ABHD3: variants seen among roughly 807,000 people sequenced by gnomAD.
The protein encoded by ABHD3 is abhydrolase domain containing 3, phospholipase.
A neutral mutation model predicts 48.8 loss-of-function variants in ABHD3; 46 were observed. The ratio of observed to expected loss-of-function variants is 0.94; its 90% CI spans 0.74 to 1.20. The LOEUF is 1.20. ABHD3 is among the 50% of genes most tolerant of loss of function. ABHD3 has a pLI of 0.00. For synonymous variants in ABHD3, 192 were observed against 183.7 expected (o/e 1.04, Z -0.36); for missense variants, 490 against 497.8 (o/e 0.98, Z 0.15).
At chr18:21,664,031 C>A in intron 5 of ABHD3, 87 bp downstream of exon 5, 1 of 1,470,790 alleles carries the variant, frequency 6.8e-7, no homozygotes, top group Non-Finnish European at 9.0e-7. Context: ...AAAAAGTGTC[C>A]ATACAGCTAG....
chr18:21,672,614 T>C (rs2039780828), intron 4 of ABHD3, among the ~76,000 whole-genome samples: 1 of 152,182 alleles, frequency 6.6e-6, no homozygotes, highest in African/African-American at 2.4e-5. Context: ...AGAGGAACAA[T>C]GCTTTTAAAA....
chr18:21,673,445 A>G (rs1314907282), intron 4 of ABHD3, among the ~76,000 whole-genome samples: 2 of 151,730 alleles, frequency 1.3e-5, no homozygotes, highest in African/African-American at 4.8e-5. Flanking sequence ...GACATGCACC[A>G]CCACACGCTT....
chr18:21,652,495 G>A (rs1030992115), intron 8 of ABHD3, among the ~76,000 whole-genome samples: 1 of 152,132 alleles, frequency 6.6e-6, no homozygotes, highest in Non-Finnish European at 1.5e-5. Context: ...GAAAGAGAGA[G>A]GCCAGGTGTG....
At chr18:21,676,524 G>A (rs1271328840) in intron 4 of ABHD3, among the ~76,000 whole-genome samples, 2 of 152,152 alleles carry the variant, frequency 1.3e-5, no homozygotes, top group African/African-American at 4.8e-5. Context: ...CCAAGTAACT[G>A]GGATTACAGG....
At chr18:21,703,222 C>CCA (rs1696730298) in intron 2 of ABHD3, among the ~76,000 whole-genome samples, 1 of 124,920 alleles carries the variant, frequency 8.0e-6, no homozygotes, top group Admixed American at 8.0e-5. Flanking sequence ...CACCCCACCC[C>CCA]CCCCCCCAGT....
At chr18:21,699,600 A>G (rs1021953243) in intron 3 of ABHD3, among the ~76,000 whole-genome samples, 47 of 152,310 alleles carry the variant, frequency 3.1e-4, no homozygotes, top group Middle Eastern at 3.4e-3. Flanking sequence ...TGGGCTGATC[A>G]TGTGACTTGC....
Position 21,698,550 on chromosome 18 carries a change from CTTTTTT to C in ABHD3, c.509+3760_509+3765del, listed in dbSNP as rs58069501. ...GAGGGAAGTAAGACATAAACATTTT[CTTTTTT>C]TTCTTTTTTTAAGACAGAGTCTTGC... On this transcript the variant is annotated intron_variant, in intron 3 of 8. Transcript: ENST00000289119. 2.3e-3 allele frequency among the ~76,000 whole-genome samples: 345 copies of C among 151,694 alleles called. 1 individual carries two copies. The highest frequency in any genetic ancestry group is 8.0e-3 in the African/African-American group (329 of 41,368).
At chr18:21,661,630 C>T (rs920041321) in intron 5 of ABHD3, among the ~76,000 whole-genome samples, 16 of 151,552 alleles carry the variant, frequency 1.1e-4, no homozygotes, top group African/African-American at 3.4e-4. Flanking sequence ...GACTCCATCT[C>T]AAAAGAAAAC....
intron 5 of ABHD3, 91 bp downstream of exon 5, chr18:21,664,027 T>C: frequency 6.8e-7 from 1 of 1,463,130 alleles, no homozygotes; most frequent in Non-Finnish European, 9.0e-7. Flanking sequence ...ATTTAAAAAG[T>C]GTCCATACAG....
Position 21,703,706 on chromosome 18 carries a change from G to A in ABHD3, c.204C>T (p.Phe68=). 6.2e-7 allele frequency: 1 copy of A among 1,614,078 alleles called. No homozygotes were observed. Among genetic ancestry groups the A allele is most frequent in the Non-Finnish European group, 8.5e-7 (1 of 1,180,006 alleles). Residue 68 remains phenylalanine (F), a synonymous_variant, in exon 2 of 9, where the codon TTC becomes TTT. Transcript: ENST00000289119. ...TAACCACGGGACAGTGGTCTTGAAG[G>A]AAGCGGCTGAAACTCTCACCCCCGG... ...LVTGGESFSR[F]LQDHCPVVTE...
rs113101555 is a variant in ABHD3 at position 21,653,479 on chromosome 18, G to GT, written c.1058-1717dup. ...TAACCTTTAAAAGATATGAATTAAA[G>GT]TTTTTTTTTTCTCCCATGCTTAGAG... On this transcript the variant is annotated intron_variant, in intron 8 of 8. Coordinates refer to ENST00000289119, the MANE Select transcript of ABHD3 (RefSeq NM_138340.5). Among the ~76,000 whole-genome samples the GT allele has an allele frequency of 3.8e-3, 569 of 148,866 alleles. 5 individuals carry two copies. Among genetic ancestry groups the GT allele is most frequent in the Admixed American group, 7.4e-3 (110 of 14,898 alleles).
chr18:21,664,303 A>G, intron 4 of ABHD3, 73 bp from the exon 5 acceptor site: 6 of 1,426,990 alleles, frequency 4.2e-6, no homozygotes, highest in Middle Eastern at 1.8e-4. Flanking sequence ...AGAAATGTAA[A>G]CAGGAGCAAG....
chr18:21,702,636 G>C (rs1027039607), intron 2 of ABHD3, 138 bp from the exon 3 acceptor site: 3 of 662,802 alleles, frequency 4.5e-6, no homozygotes, highest in Non-Finnish European at 7.1e-6. Context: ...CCCATATCTC[G>C]ATCTACATAT....
intron 4 of ABHD3, among the ~76,000 whole-genome samples, chr18:21,679,597 G>C (rs1405299722): frequency 1.3e-5 from 2 of 151,768 alleles, no homozygotes; most frequent in Admixed American, 1.3e-4. Flanking sequence ...GGCACGATCT[G>C]GGCTCACTGC....
intron 3 of ABHD3, among the ~76,000 whole-genome samples, chr18:21,684,502 TAGTAG>T (rs1221521084): frequency 1.3e-5 from 2 of 151,894 alleles, no homozygotes; most frequent in African/African-American, 4.8e-5. Flanking sequence ...TTTGTATTTT[TAGTAG>T]ACACAGAGTT....
At position 21,674,828 on chromosome 18, in the gene ABHD3, G is replaced by A. The variant is rs1216517715; in HGVS notation, c.555+9092C>T. Among the ~76,000 whole-genome samples, 10 of 152,058 alleles carry A rather than the reference G, an allele frequency of 6.6e-5. 1 individual carries two copies. The South Asian group carries it at 1.9e-3, about 28-fold the overall frequency. ...TTGAAACTGAATTGTGCCTTGGCTG[G>A]CCCTGACCTCTATACCCCTCCTCCC... On this transcript the variant is annotated intron_variant, in intron 4 of 8. Transcript: ENST00000289119.
intron 3 of ABHD3, among the ~76,000 whole-genome samples, chr18:21,684,311 CTT>C (rs564516602): frequency 0.014 from 1,177 of 82,806 alleles, 6 homozygotes; most frequent in African/African-American, 0.056. Context: ...AATGTTTTTG[CTT>C]TTTTTTTTTT....
intron 4 of ABHD3, chr18:21,683,046 T>C (rs1366106795): frequency 6.6e-6 from 1 of 152,624 alleles, no homozygotes; most frequent in East Asian, 1.9e-4. Flanking sequence ...TCCCAAGTTC[T>C]TATAAAGTGT....
intron 4 of ABHD3, among the ~76,000 whole-genome samples, chr18:21,671,311 G>A (rs1026396872): frequency 8.5e-5 from 13 of 152,084 alleles, no homozygotes; most frequent in Non-Finnish European, 1.5e-4. Context: ...AACATCATCT[G>A]TCTTCTTTCT....
Sources: allele counts gnomAD v4.1 joint callset (sites outside exome capture counted in the v4.1 genomes callset), GRCh38; gene constraint gnomAD v4.1.1; transcripts MANE v1.5; gene names NCBI Gene and HGNC (gene_info 2026-07-23, HGNC 2026-07-21).